The following USP28 variants were observed in gnomAD, a reference collection of about 807,000 sequenced individuals.
The protein encoded by USP28 is ubiquitin carboxyl-terminal hydrolase 28.
Under a neutral mutation model 145.0 loss-of-function variants are expected in USP28, and 113 were observed. The ratio of observed to expected loss-of-function variants is 0.78; its 90% confidence interval spans 0.67 to 0.91. USP28 has a LOEUF of 0.91. Ranked by LOEUF, USP28 falls within the 40% of genes least tolerant of loss-of-function variation. The pLI is 0.00. For missense variants in USP28, 1,201 were observed against 1,289.6 expected (o/e 0.93, Z 1.05); for synonymous variants, 447 against 450.9 (o/e 0.99, Z 0.11).
At chr11:113,809,510 C>T (rs1160120919) in intron 16 of USP28, among the ~76,000 whole-genome samples, 1 of 152,146 alleles carries the variant, frequency 6.6e-6, no homozygotes, top group Non-Finnish European at 1.5e-5. Flanking sequence ...ATCCTAAAAT[C>T]CAACATCTGA....
chr11:113,799,778 T>C (rs1300621744), intron 24 of USP28, among the ~76,000 whole-genome samples: 1 of 152,168 alleles, frequency 6.6e-6, no homozygotes, highest in Non-Finnish European at 1.5e-5. Context: ...GGGTGTACAG[T>C]CTTTTGGCTT....
intron 18 of USP28, among the ~76,000 whole-genome samples, chr11:113,807,652 T>A (rs1455272634): frequency 1.3e-5 from 2 of 152,292 alleles, no homozygotes; most frequent in African/African-American, 4.8e-5. Context: ...TAGAAGGCAA[T>A]CTTTTGTCCA....
intron 16 of USP28, among the ~76,000 whole-genome samples, chr11:113,811,657 C>T (rs189917710): frequency 6.6e-6 from 1 of 151,662 alleles, no homozygotes; most frequent in Admixed American, 6.6e-5. Flanking sequence ...CACTGCACTC[C>T]AGCCTGGGCG....
intron 1 of USP28, among the ~76,000 whole-genome samples, chr11:113,869,462 G>T (rs975176569): frequency 1.3e-5 from 2 of 151,980 alleles, no homozygotes; most frequent in African/African-American, 2.4e-5. Context: ...GCCAGGTGTG[G>T]TGGTGCATAC....
In USP28 at chr11:113,873,079, C is replaced by T. The variant is rs370401923; in HGVS notation, c.57+2366G>A. ...CTGAGTGTCAGGGAAGGATAGCTCT[C>T]CTCAACTAGAACAATGAAATATCCT... On this transcript the variant is annotated intron_variant, in intron 1 of 24. Coordinates refer to ENST00000003302, the Ensembl canonical transcript of USP28. Among the ~76,000 whole-genome samples the T allele has an allele frequency of 1.2e-4, 18 of 152,246 alleles. No homozygotes were observed. The East Asian group carries it at 2.1e-3, about 18-fold the overall frequency.
At chr11:113,872,704 C>G (rs1948951283) in intron 1 of USP28, among the ~76,000 whole-genome samples, 1 of 152,098 alleles carries the variant, frequency 6.6e-6, no homozygotes, top group African/African-American at 2.4e-5. Context: ...TGATGTGAAC[C>G]CTCAGTACAG....
chr11:113,845,999 A>G (rs1436198476), intron 3 of USP28, among the ~76,000 whole-genome samples: 1 of 152,264 alleles, frequency 6.6e-6, no homozygotes, highest in Non-Finnish European at 1.5e-5. Context: ...TGGCATATAC[A>G]TACAATGGAG....
At chr11:113,832,994 C>T (rs1944178736) in intron 7 of USP28, among the ~76,000 whole-genome samples, 1 of 152,116 alleles carries the variant, frequency 6.6e-6, no homozygotes, top group South Asian at 2.1e-4. Flanking sequence ...CTGAGAAAAG[C>T]TCCGAAAAGC....
rs547893019 is a variant in USP28, at chr11:113,864,423, G to T, written c.58-10088C>A. On this transcript the variant is annotated intron_variant, in intron 1 of 24. Transcript: ENST00000003302. ...TGGCTCACATGACTGCGGAGACTGA[G>T]AAGTCTCAAGATCTGCAGTTAGCAA... 2.0e-5 allele frequency among the ~76,000 whole-genome samples: 3 copies of T among 152,308 alleles called. No individual in the cohort carries two copies. In the South Asian group the frequency reaches 6.2e-4, roughly 32 times the overall value.
chr11:113,852,769 G>T, intron 2 of USP28, 136 bp from the exon 3 acceptor site: 1 of 999,546 alleles, frequency 1.0e-6, no homozygotes, highest in Non-Finnish European at 1.5e-6. Context: ...ATGAGACTAT[G>T]GTGGACAGTA....
chr11:113,823,122 A>G (rs547534553), intron 12 of USP28, among the ~76,000 whole-genome samples: 1 of 152,364 alleles, frequency 6.6e-6, no homozygotes, highest in East Asian at 1.9e-4. Context: ...CAATCAAAAA[A>G]GTGAAAATTC....
At chr11:113,823,670 T>C (rs904805562) in exon 12 of USP28, 48 of 1,612,010 alleles carry the variant, frequency 3.0e-5, no homozygotes, top group Non-Finnish European at 3.8e-5. Flanking sequence ...CTCTCTTATT[T>C]CGAATAAGCT....
At chr11:113,799,350 CGAT>C (rs1938509418) in exon 25 of USP28, 2 of 1,614,042 alleles carry the variant, frequency 1.2e-6, no homozygotes, top group Non-Finnish European at 1.7e-6. Flanking sequence ...TCTTTCAAGA[CGAT>C]GATTTCTGCA....
chr11:113,868,590 G>C (rs1948518679), intron 1 of USP28, among the ~76,000 whole-genome samples: 1 of 152,102 alleles, frequency 6.6e-6, no homozygotes, highest in South Asian at 2.1e-4. Context: ...CTGTAAGATA[G>C]AAGCAAACAG....
At chr11:113,840,542 T>C in intron 5 of USP28, 56 bp downstream of exon 5, 45 of 1,570,184 alleles carry the variant, frequency 2.9e-5, no homozygotes, top group Non-Finnish European at 3.8e-5. Flanking sequence ...CATTTCAGTT[T>C]AATAAATTAC....
At chr11:113,833,580 A>G in intron 6 of USP28, 23 bp from the exon 7 acceptor site, 1 of 1,593,568 alleles carries the variant, frequency 6.3e-7, no homozygotes, top group Non-Finnish European at 8.5e-7. Flanking sequence ...CAGTACATGT[A>G]CTCTTACAAT....
chr11:113,852,092 G>A (rs1272994703), intron 3 of USP28, among the ~76,000 whole-genome samples: 3 of 152,086 alleles, frequency 2.0e-5, no homozygotes, highest in African/African-American at 4.8e-5. Context: ...GCAGTGGTGC[G>A]ATCTCAGTTC....
exon 9 of USP28, chr11:113,830,943 G>A (rs760806252): frequency 1.4e-5 from 22 of 1,613,780 alleles, no homozygotes; most frequent in Non-Finnish European, 1.9e-5. Context: ...TCCTGGGACT[G>A]CTGCTTTTAG....
intron 15 of USP28, among the ~76,000 whole-genome samples, chr11:113,813,465 AT>A (rs1941292029): frequency 6.6e-6 from 1 of 152,198 alleles, no homozygotes. Flanking sequence ...CTCTTTTGGA[AT>A]TTATTATTAC....
Sources: allele counts gnomAD v4.1 joint callset (sites outside exome capture counted in the v4.1 genomes callset), GRCh38; gene constraint gnomAD v4.1.1; transcripts MANE v1.5; gene names NCBI Gene and HGNC (gene_info 2026-07-23, HGNC 2026-07-21).